DCDC1: variants seen among roughly 807,000 people sequenced by gnomAD.
DCDC1 encodes doublecortin domain containing 1, also known as doublecortin domain-containing protein 1.
Under a neutral mutation model 178.3 loss-of-function variants are expected in DCDC1, and 200 were observed. That is an observed-to-expected ratio of 1.12 (90% CI 1.00 to 1.26). The LOEUF is 1.26. Among genes scored for constraint, DCDC1 ranks in the 50% most tolerant of loss-of-function variants. The probability of loss-of-function intolerance (pLI) is 0.00; values close to 1 mark genes in which losing one functional copy is unlikely to be tolerated. For synonymous variants in DCDC1, 690 were observed against 604.8 expected (o/e 1.14, Z -2.07); for missense variants, 1,983 against 1,749.2 (o/e 1.13, Z -2.38).
intron 9 of DCDC1, among the ~76,000 whole-genome samples, chr11:31,179,129 A>T (rs1468518559): frequency 1.3e-5 from 2 of 152,218 alleles, no homozygotes; most frequent in Admixed American, 6.5e-5. Flanking sequence ...ACTCACAATG[A>T]TATATACCAC....
intron 21 of DCDC1, among the ~76,000 whole-genome samples, chr11:30,938,019 C>T (rs1437468825): frequency 6.6e-6 from 1 of 152,040 alleles, no homozygotes; most frequent in Admixed American, 6.6e-5. Context: ...CCTCAATGGC[C>T]TCATTGCACC....
At chr11:30,933,178 G>A (rs1299726882) in intron 21 of DCDC1, among the ~76,000 whole-genome samples, 1 of 151,768 alleles carries the variant, frequency 6.6e-6, no homozygotes, top group African/African-American at 2.4e-5. Flanking sequence ...TTTTTATGTG[G>A]TAAGTCTTGA....
At chr11:30,956,211 T>C (rs1275031632) in intron 20 of DCDC1, among the ~76,000 whole-genome samples, 2 of 152,186 alleles carry the variant, frequency 1.3e-5, no homozygotes, top group East Asian at 3.8e-4. Flanking sequence ...GATACCAGTT[T>C]TTTTTATTGA....
intron 20 of DCDC1, among the ~76,000 whole-genome samples, chr11:31,022,393 G>A (rs899518958): frequency 4.6e-5 from 7 of 152,036 alleles, no homozygotes; most frequent in African/African-American, 1.4e-4. Flanking sequence ...GACACCAGTC[G>A]TATTGGATGG....
At position 31,065,143 on chromosome 11, in the gene DCDC1, T is replaced by A. The variant is rs1370876938; in HGVS notation, c.2309A>T (p.Gln770Leu). 2 of 759,508 alleles carry A rather than the reference T, an allele frequency of 2.6e-6. No individual in the cohort carries two copies. The highest frequency in any genetic ancestry group is 4.9e-5 in the East Asian group (2 of 41,116). The allele number at this position is 759,508 out of a possible 1,614,324, so 47.0% of individuals were successfully genotyped here. A position where few individuals can be genotyped will look rare whatever the true frequency, so the allele number is the denominator to read the frequency against. Residue 770 changes from glutamine to leucine, a missense_variant, in exon 19 of 39, where the codon CAG becomes CTG. Physicochemically the swap from Gln to Leu is moderately radical, Grantham distance 113. Coordinates refer to ENST00000684477, the MANE Select transcript of DCDC1 (RefSeq NM_001387274.1). ...DGCIYSKAYP[Q>L]FVLTYLEELN... is the part of the protein sequence containing the mutation. ...CTCCTCTAGGTAGGTCAGAACAAACTGAGGATAAGCCTGTAAGAAAGGAAA... is the reference window on the plus strand; with the variant it reads ...CTCCTCTAGGTAGGTCAGAACAAACAGAGGATAAGCCTGTAAGAAAGGAAA...
intron 8 of DCDC1, among the ~76,000 whole-genome samples, chr11:31,244,376 T>C (rs1977568489): frequency 6.6e-6 from 1 of 151,744 alleles, no homozygotes; most frequent in Non-Finnish European, 1.5e-5. Flanking sequence ...CCAATGGTTT[T>C]CTTCTCTTTT....
intron 9 of DCDC1, among the ~76,000 whole-genome samples, chr11:31,240,098 T>G (rs1976931907): frequency 6.6e-6 from 1 of 151,886 alleles, no homozygotes; most frequent in Non-Finnish European, 1.5e-5. Context: ...ATTAAATAAT[T>G]TTAAATTTCA....
intron 11 of DCDC1, among the ~76,000 whole-genome samples, chr11:31,122,800 T>C (rs1961007779): frequency 6.6e-6 from 1 of 152,182 alleles, no homozygotes; most frequent in Non-Finnish European, 1.5e-5. Context: ...CAGATAATGA[T>C]TTCCATATAC....
chr11:31,265,813 AAAAG>A (rs1278668666), intron 7 of DCDC1, among the ~76,000 whole-genome samples: 46 of 150,512 alleles, frequency 3.1e-4, no homozygotes, highest in Middle Eastern at 3.8e-3. Context: ...GTATTAGTAA[AAAAG>A]AAAGAAAGAA....
intron 20 of DCDC1, among the ~76,000 whole-genome samples, chr11:30,973,114 A>G (rs192125283): frequency 6.6e-6 from 1 of 151,886 alleles, no homozygotes; most frequent in Non-Finnish European, 1.5e-5. Context: ...TCTACTAAAA[A>G]TACAAAATTT....
intron 20 of DCDC1, among the ~76,000 whole-genome samples, chr11:30,990,628 A>C (rs1243596374): frequency 2.6e-5 from 4 of 152,204 alleles, no homozygotes; most frequent in Non-Finnish European, 4.4e-5. Flanking sequence ...AAATGCAGCT[A>C]TTTGTTAGGT....
chr11:31,027,397 C>G (rs537961738), intron 20 of DCDC1, among the ~76,000 whole-genome samples: 1 of 151,884 alleles, frequency 6.6e-6, no homozygotes, highest in East Asian at 1.9e-4. Context: ...AACACTTTTT[C>G]TAAGTCGGCA....
At chr11:31,137,578 G>T (rs1467251712) in intron 10 of DCDC1, 114 bp downstream of exon 10, 1 of 567,752 alleles carries the variant, frequency 1.8e-6, no homozygotes, top group South Asian at 2.1e-5. Context: ...TCAAACTCCT[G>T]ACCTTGTGAT....
In DCDC1 at chr11:31,258,501, A is replaced by G. The variant is rs546321179; in HGVS notation, c.1054+7006T>C. Among the ~76,000 whole-genome samples the G allele has an allele frequency of 1.6e-4, 24 of 152,314 alleles. No individual in the cohort carries two copies. In the South Asian group the frequency reaches 4.6e-3, roughly 29 times the overall value. On this transcript the variant is annotated intron_variant, in intron 8 of 38. Coordinates refer to ENST00000684477, the MANE Select transcript of DCDC1 (RefSeq NM_001387274.1). The stretch of plus-strand genomic sequence containing the variant: ...AACCCCAAGCCTGTCAGAAAAGGGA[A>G]CTTTCTGAAAGGAAGAAGTATATAG...
chr11:31,021,261 T>C (rs1025305140), intron 20 of DCDC1, among the ~76,000 whole-genome samples: 1 of 152,192 alleles, frequency 6.6e-6, no homozygotes, highest in African/African-American at 2.4e-5. Context: ...ATATATGCAG[T>C]GAACAAAGTA....
At chr11:30,946,356 C>T (rs1181333059) in intron 21 of DCDC1, among the ~76,000 whole-genome samples, 6 of 152,298 alleles carry the variant, frequency 3.9e-5, no homozygotes, top group African/African-American at 1.4e-4. Context: ...TCTCTCCATG[C>T]CACCCCTTCA....
At chr11:31,299,585 A>C (rs1436176791) in intron 6 of DCDC1, among the ~76,000 whole-genome samples, 1 of 152,188 alleles carries the variant, frequency 6.6e-6, no homozygotes, top group Non-Finnish European at 1.5e-5. Flanking sequence ...TTCCCATATC[A>C]TGCTGTATAC....
intron 9 of DCDC1, among the ~76,000 whole-genome samples, chr11:31,180,740 C>A (rs1279494290): frequency 2.0e-5 from 3 of 152,132 alleles, no homozygotes; most frequent in Non-Finnish European, 2.9e-5. Context: ...CCTACGCCAC[C>A]AGGACCGTGG....
intron 36 of DCDC1, among the ~76,000 whole-genome samples, chr11:30,886,444 AT>A (rs1943177735): frequency 6.6e-6 from 1 of 152,178 alleles, no homozygotes; most frequent in South Asian, 2.1e-4. Context: ...ATGAGAATTT[AT>A]TTCTTGCAGT....
Sources: gnomAD v4.1 joint callset for allele counts (sites outside exome capture counted in the v4.1 genomes callset) on GRCh38, gnomAD v4.1.1 for gene constraint, MANE v1.5 for transcripts, NCBI Gene and HGNC (gene_info 2026-07-23, HGNC 2026-07-21) for gene names.